COL25A1: variants seen among roughly 807,000 people sequenced by gnomAD.
COL25A1 encodes the protein collagen type XXV alpha 1 chain, also known as collagen alpha-1(XXV) chain.
Under a neutral mutation model 128.4 loss-of-function variants are expected in COL25A1, and 103 were observed. That is an observed-to-expected ratio of 0.80 (90% CI 0.68 to 0.94). COL25A1 has a LOEUF of 0.94. Among genes scored for constraint, COL25A1 ranks in the 40% least tolerant of loss-of-function variants. COL25A1 has a pLI of 0.00. For synonymous variants in COL25A1, 279 were observed against 277.2 expected (o/e 1.01, Z -0.06); for missense variants, 745 against 840.0 (o/e 0.89, Z 1.40).
At chr4:109,088,221 C>CA in intron 3 of COL25A1, among the ~76,000 whole-genome samples, 1 of 152,078 alleles carries the variant, frequency 6.6e-6, no homozygotes, top group Middle Eastern at 3.4e-3. Flanking sequence ...TGTTGAGTGT[C>CA]AAAAACATCT....
At chr4:108,997,145 A>C (rs1754861674) in intron 6 of COL25A1, among the ~76,000 whole-genome samples, 1 of 152,342 alleles carries the variant, frequency 6.6e-6, no homozygotes, top group African/African-American at 2.4e-5. Flanking sequence ...ACTGAAGGAG[A>C]TAGAGACACA....
At chr4:109,065,577 T>C (rs1214282970) in intron 3 of COL25A1, among the ~76,000 whole-genome samples, 1 of 149,470 alleles carries the variant, frequency 6.7e-6, no homozygotes, top group South Asian at 2.1e-4. Flanking sequence ...TGTGTGTGTG[T>C]GTGTGCAGGT....
intron 3 of COL25A1, among the ~76,000 whole-genome samples, chr4:109,218,360 T>TTTTGTTTGTTTGTTTG (rs1778178375): frequency 8.6e-6 from 1 of 116,668 alleles, no homozygotes; most frequent in African/African-American, 4.1e-5. Context: ...TTTTGGGGTT[T>TTTTGTTTGTTTGTTTG]TTTTTTTTTT....
At chr4:109,135,002 A>G (rs1769573827) in intron 3 of COL25A1, among the ~76,000 whole-genome samples, 2 of 144,010 alleles carry the variant, frequency 1.4e-5, no homozygotes, top group Admixed American at 7.3e-5. Flanking sequence ...AGAAGAAACC[A>G]CCAAAAAGTA....
intron 13 of COL25A1, among the ~76,000 whole-genome samples, chr4:108,917,385 C>G (rs1010994685): frequency 1.1e-4 from 17 of 152,102 alleles, no homozygotes; most frequent in African/African-American, 3.9e-4. Context: ...TATAAAAGGG[C>G]CAGGCCAAGA....
intron 3 of COL25A1, among the ~76,000 whole-genome samples, chr4:109,234,026 CTCAATGG>C (rs1354253848): frequency 6.6e-6 from 1 of 152,124 alleles, no homozygotes; most frequent in Non-Finnish European, 1.5e-5. Flanking sequence ...CAAACTTGTT[CTCAATGG>C]TCAATCTATT....
chr4:108,832,888 A>T (rs1733312810), intron 31 of COL25A1, among the ~76,000 whole-genome samples: 2 of 151,544 alleles, frequency 1.3e-5, no homozygotes, highest in Admixed American at 1.3e-4. Context: ...GCATTCCCCT[A>T]CTCGGGAGGC....
At chr4:108,953,968 T>G (rs1163112517) in intron 8 of COL25A1, among the ~76,000 whole-genome samples, 1 of 152,188 alleles carries the variant, frequency 6.6e-6, no homozygotes, top group Non-Finnish European at 1.5e-5. Flanking sequence ...TGGTTCTGTA[T>G]CAATTACACA....
intron 3 of COL25A1, among the ~76,000 whole-genome samples, chr4:109,165,545 G>A (rs577172838): frequency 6.6e-5 from 10 of 152,164 alleles, no homozygotes; most frequent in South Asian, 2.1e-4. Flanking sequence ...CTGAGACCCA[G>A]TCTCTACAAG....
At chr4:109,228,166 A>T (rs1357668775) in intron 3 of COL25A1, among the ~76,000 whole-genome samples, 1 of 152,080 alleles carries the variant, frequency 6.6e-6, no homozygotes, top group Non-Finnish European at 1.5e-5. Flanking sequence ...TTGAGGGCAG[A>T]TCTTCCCCAT....
At chr4:109,287,689 G>A (rs1724019921) in intron 3 of COL25A1, among the ~76,000 whole-genome samples, 1 of 152,246 alleles carries the variant, frequency 6.6e-6, no homozygotes, top group East Asian at 1.9e-4. Flanking sequence ...TTCCTAGAAT[G>A]TATAGGCAAG....
chr4:108,884,957 G>C (rs1560803774), intron 18 of COL25A1, among the ~76,000 whole-genome samples: 1 of 152,062 alleles, frequency 6.6e-6, no homozygotes, highest in Non-Finnish European at 1.5e-5. Context: ...TAAGCCCAAA[G>C]AATGATAATA....
At chr4:109,198,850 G>C (rs766014184) in intron 3 of COL25A1, among the ~76,000 whole-genome samples, 8 of 152,176 alleles carry the variant, frequency 5.3e-5, no homozygotes, top group Non-Finnish European at 8.8e-5. Flanking sequence ...AGATTCATGA[G>C]ATTAGTCTTG....
intron 3 of COL25A1, among the ~76,000 whole-genome samples, chr4:109,288,780 G>A (rs1397969455): frequency 1.3e-5 from 2 of 151,944 alleles, no homozygotes; most frequent in Non-Finnish European, 2.9e-5. Flanking sequence ...ATAGCAATTA[G>A]CACCACCGCA....
chr4:109,214,619 T>A (rs28370497), intron 3 of COL25A1, among the ~76,000 whole-genome samples: 57,247 of 150,290 alleles, frequency 0.38, 11,836 homozygotes, highest in African/African-American at 0.55. Flanking sequence ...TATATACATA[T>A]ATATAATCTA....
At chr4:109,261,560 T>C (rs370410732) in intron 3 of COL25A1, among the ~76,000 whole-genome samples, 16 of 152,266 alleles carry the variant, frequency 1.1e-4, no homozygotes, top group African/African-American at 2.6e-4. Context: ...ATTCATTTTG[T>C]TTCCCGTTAG....
intron 3 of COL25A1, among the ~76,000 whole-genome samples, chr4:109,221,196 G>T (rs1007486015): frequency 5.3e-5 from 8 of 149,626 alleles, no homozygotes; most frequent in African/African-American, 2.0e-4. Context: ...AAACAATATG[G>T]GATGAGTAAT....
intron 5 of COL25A1, among the ~76,000 whole-genome samples, chr4:109,041,879 T>C (rs1759933607): frequency 6.6e-6 from 1 of 151,958 alleles, no homozygotes; most frequent in Non-Finnish European, 1.5e-5. Context: ...GCCTTGCCCA[T>C]CAATATGCAA....
intron 5 of COL25A1, among the ~76,000 whole-genome samples, chr4:109,016,816 G>C (rs1024235525): frequency 6.6e-6 from 1 of 152,204 alleles, no homozygotes; most frequent in Non-Finnish European, 1.5e-5. Context: ...GAGCTGTTCT[G>C]TTGCTTAATA....
Sources: gnomAD v4.1 joint callset for allele counts (sites outside exome capture counted in the v4.1 genomes callset) on GRCh38, gnomAD v4.1.1 for gene constraint, MANE v1.5 for transcripts, NCBI Gene and HGNC (gene_info 2026-07-23, HGNC 2026-07-21) for gene names.